Variants in ROBO2 observed in about 807,000 individuals in gnomAD.
The protein encoded by ROBO2 is roundabout homolog 2.
In ROBO2, 53 loss-of-function variants were observed where a neutral mutation model predicts 160.8. That is an observed-to-expected ratio of 0.33 (90% CI 0.26 to 0.41). ROBO2 has a LOEUF of 0.41. ROBO2 is among the 10% of genes least tolerant of loss of function. The pLI is 1.00. For synonymous variants in ROBO2, 664 were observed against 611.7 expected, an observed-to-expected ratio of 1.09 and a Z score of -1.26; for missense variants, 1,577 against 1,722.4, an observed-to-expected ratio of 0.92 and a Z score of 1.49.
intron 2 of ROBO2, among the ~76,000 whole-genome samples, chr3:76,924,109 T>C (rs2149008681): frequency 6.6e-6 from 1 of 152,354 alleles, no homozygotes; most frequent in Middle Eastern, 3.4e-3. Context: ...TGTAATTTCA[T>C]CTAAACAGGT....
intron 7 of ROBO2, among the ~76,000 whole-genome samples, chr3:77,547,587 TC>T (rs377317640): frequency 2.1e-3 from 319 of 152,216 alleles, no homozygotes; most frequent in African/African-American, 7.3e-3. Flanking sequence ...AGCCATTATG[TC>T]TAATTGTTGT....
chr3:76,862,285 T>C (rs528158942), intron 2 of ROBO2, among the ~76,000 whole-genome samples: 1 of 152,268 alleles, frequency 6.6e-6, no homozygotes, highest in South Asian at 2.1e-4. Flanking sequence ...GATGGCTTTA[T>C]CCTCATGTAT....
intron 2 of ROBO2, among the ~76,000 whole-genome samples, chr3:76,228,442 G>A (rs1486853596): frequency 1.7e-5 from 2 of 117,782 alleles, no homozygotes; most frequent in Non-Finnish European, 3.7e-5. Flanking sequence ...ATCTGTACAA[G>A]ATTTTTAAAT....
intron 2 of ROBO2, among the ~76,000 whole-genome samples, chr3:76,594,246 CTCTCTATTCCTAACCTA>C (rs1171882717): frequency 3.9e-5 from 6 of 151,948 alleles, no homozygotes; most frequent in South Asian, 2.1e-4. Context: ...AATCTGGTTT[CTCTCTATTCCTAACCTA>C]ACCTAATGCT....
intron 2 of ROBO2, among the ~76,000 whole-genome samples, chr3:76,013,833 G>A (rs1264430730): frequency 1.3e-5 from 2 of 151,898 alleles, no homozygotes; most frequent in South Asian, 2.1e-4. Context: ...TGGCTTATGC[G>A]TGTAATCCCA....
intron 2 of ROBO2, among the ~76,000 whole-genome samples, chr3:76,407,215 A>G (rs1180826160): frequency 6.6e-6 from 1 of 151,890 alleles, no homozygotes; most frequent in Non-Finnish European, 1.5e-5. Context: ...TTTTACGTAG[A>G]GAGACCTCCC....
intron 2 of ROBO2, among the ~76,000 whole-genome samples, chr3:76,771,648 A>C (rs971714768): frequency 1.3e-5 from 2 of 151,266 alleles, no homozygotes; most frequent in African/African-American, 4.8e-5. Context: ...TAAACTGATA[A>C]ATTTAAGTAA....
At chr3:76,819,122 A>G (rs1046508563) in intron 2 of ROBO2, among the ~76,000 whole-genome samples, 3 of 152,138 alleles carry the variant, frequency 2.0e-5, no homozygotes, top group South Asian at 2.1e-4. Context: ...GGGCAAAATT[A>G]GATAAACACA....
intron 2 of ROBO2, among the ~76,000 whole-genome samples, chr3:76,318,370 A>T (rs1368276484): frequency 6.6e-6 from 1 of 152,042 alleles, no homozygotes; most frequent in Non-Finnish European, 1.5e-5. Context: ...ATATTAATGC[A>T]TTACACCCTT....
chr3:76,770,118 C>T (rs575155497), intron 2 of ROBO2, among the ~76,000 whole-genome samples: 1 of 151,404 alleles, frequency 6.6e-6, no homozygotes, highest in South Asian at 2.1e-4. Flanking sequence ...TGTTTTAATT[C>T]ACTGGTTTAG....
chr3:76,976,723 T>G (rs149384233), intron 2 of ROBO2, among the ~76,000 whole-genome samples: 2 of 152,322 alleles, frequency 1.3e-5, no homozygotes, highest in African/African-American at 4.8e-5. Flanking sequence ...AAAACATAGT[T>G]AATGTTTTAG....
chr3:76,048,417 G>A (rs961935704), intron 2 of ROBO2, among the ~76,000 whole-genome samples: 4 of 152,092 alleles, frequency 2.6e-5, no homozygotes, highest in Non-Finnish European at 4.4e-5. Flanking sequence ...TGACACTCAG[G>A]TTTATGTTTT....
At chr3:76,781,453 A>G (rs1378713549) in intron 2 of ROBO2, among the ~76,000 whole-genome samples, 1 of 150,774 alleles carries the variant, frequency 6.6e-6, no homozygotes, top group East Asian at 1.9e-4. Context: ...CGTTGTTTAG[A>G]AATGACAAGA....
chr3:76,273,773 C>T (rs1707753113), intron 2 of ROBO2, among the ~76,000 whole-genome samples: 3 of 152,158 alleles, frequency 2.0e-5, no homozygotes, highest in Non-Finnish European at 4.4e-5. Flanking sequence ...CACCAGATCC[C>T]TCCCATGACA....
intron 2 of ROBO2, chr3:76,435,408 G>A: frequency 1.3e-6 from 1 of 778,144 alleles, no homozygotes; most frequent in Non-Finnish European, 2.4e-6. Context: ...GGTCACCACA[G>A]TGACAGAAAT....
chr3:77,575,613 CA>C (rs551911424), intron 14 of ROBO2, among the ~76,000 whole-genome samples: 229 of 152,060 alleles, frequency 1.5e-3, no homozygotes, highest in African/African-American at 5.1e-3. Context: ...GATACACTGG[CA>C]GGGGCAAAAA....
intron 2 of ROBO2, among the ~76,000 whole-genome samples, chr3:77,301,430 T>C (rs1186608153): frequency 6.6e-6 from 1 of 152,174 alleles, no homozygotes; most frequent in Non-Finnish European, 1.5e-5. Context: ...ACTACTTATA[T>C]GAAGACTCCA....
intron 2 of ROBO2, among the ~76,000 whole-genome samples, chr3:76,316,193 C>T (rs1432704878): frequency 6.6e-6 from 1 of 152,104 alleles, no homozygotes; most frequent in Non-Finnish European, 1.5e-5. Context: ...ACTGGTCTGA[C>T]CTGAAATTTA....
intron 2 of ROBO2, among the ~76,000 whole-genome samples, chr3:76,527,499 A>G (rs1401360844): frequency 6.6e-6 from 1 of 152,118 alleles, no homozygotes; most frequent in Non-Finnish European, 1.5e-5. Flanking sequence ...ATTCTTTTCA[A>G]TCTGCTGCTC....
Sources: allele counts gnomAD v4.1 joint callset (sites outside exome capture counted in the v4.1 genomes callset), GRCh38; gene constraint gnomAD v4.1.1; transcripts MANE v1.5; gene names NCBI Gene and HGNC (gene_info 2026-07-23, HGNC 2026-07-21).